The following MACROD2 variants were observed in gnomAD, a reference collection of about 807,000 sequenced individuals.
MACROD2 encodes mono-ADP ribosylhydrolase 2.
MACROD2 carries 36 observed loss-of-function variants against 70.4 expected under a neutral mutation model. The ratio of observed to expected loss-of-function variants is 0.51; its 90% CI spans 0.39 to 0.68. The LOEUF (loss-of-function observed/expected upper bound fraction) is 0.68, where lower values mean the gene tolerates loss of function less well. Among genes scored for constraint, MACROD2 ranks in the 30% least tolerant of loss-of-function variants. The pLI is 0.00. For synonymous variants in MACROD2, 172 were observed against 178.8 expected (o/e 0.96, Z 0.30); for missense variants, 496 against 538.4 (o/e 0.92, Z 0.78).
intron 4 of MACROD2, among the ~76,000 whole-genome samples, chr20:14,568,283 A>T (rs1979940172): frequency 6.6e-6 from 1 of 152,078 alleles, no homozygotes; most frequent in African/African-American, 2.4e-5. Flanking sequence ...ATTTGATATG[A>T]TCTGACACTG....
At chr20:14,832,365 G>T (rs995479081) in intron 5 of MACROD2, among the ~76,000 whole-genome samples, 2 of 151,930 alleles carry the variant, frequency 1.3e-5, no homozygotes, top group Non-Finnish European at 2.9e-5. Context: ...GCAAGTAAGG[G>T]GGGTTGAAGA....
At chr20:15,710,194 C>CAAAAAAAAAAAAAAAA (rs67656339) in intron 8 of MACROD2, among the ~76,000 whole-genome samples, 1 of 102,648 alleles carries the variant, frequency 9.7e-6, no homozygotes. Flanking sequence ...ATCAAAAAGA[C>CAAAAAAAAAAAAAAAA]AAAAAAAAAA....
intron 4 of MACROD2, among the ~76,000 whole-genome samples, chr20:14,590,080 T>C (rs145988455): frequency 0.015 from 2,256 of 152,274 alleles, 61 homozygotes; most frequent in African/African-American, 0.052. Context: ...GAATTATATT[T>C]TTAATATTTA....
intron 5 of MACROD2, among the ~76,000 whole-genome samples, chr20:15,214,845 G>A (rs541325961): frequency 1.8e-4 from 27 of 152,216 alleles, no homozygotes; most frequent in African/African-American, 3.6e-4. Flanking sequence ...CATGTGCTGC[G>A]GCTTCAAAAC....
chr20:15,808,693 A>T (rs953252322), intron 8 of MACROD2, among the ~76,000 whole-genome samples: 1 of 152,200 alleles, frequency 6.6e-6, no homozygotes, highest in Admixed American at 6.5e-5. Context: ...ACATAATAAG[A>T]AATAAAGGAT....
intron 6 of MACROD2, among the ~76,000 whole-genome samples, chr20:15,240,123 C>T (rs925611251): frequency 2.0e-5 from 3 of 152,158 alleles, no homozygotes; most frequent in Middle Eastern, 3.2e-3. Context: ...ACATTGCTGT[C>T]ACTCTAGAGG....
At chr20:14,103,401 C>T (rs564664110) in intron 3 of MACROD2, among the ~76,000 whole-genome samples, 4 of 152,240 alleles carry the variant, frequency 2.6e-5, no homozygotes, top group East Asian at 1.9e-4. Flanking sequence ...TTTTAGAGAT[C>T]GTCTTCTCTC....
At chr20:15,180,018 T>A (rs1004405315) in intron 5 of MACROD2, among the ~76,000 whole-genome samples, 1 of 152,206 alleles carries the variant, frequency 6.6e-6, no homozygotes, top group Non-Finnish European at 1.5e-5. Context: ...TTACTCTTCA[T>A]ATGGTCCTCC....
At chr20:14,666,313 T>C (rs1172713653) in intron 4 of MACROD2, among the ~76,000 whole-genome samples, 1 of 152,200 alleles carries the variant, frequency 6.6e-6, no homozygotes, top group Non-Finnish European at 1.5e-5. Context: ...AAAATACTCT[T>C]GTATACAAAT....
At chr20:14,162,446 T>C (rs2055204035) in intron 3 of MACROD2, among the ~76,000 whole-genome samples, 1 of 152,162 alleles carries the variant, frequency 6.6e-6, no homozygotes, top group Non-Finnish European at 1.5e-5. Context: ...TAGAGGCTAA[T>C]TCTGAGAGTG....
chr20:14,571,175 G>A (rs1187386748), intron 4 of MACROD2, among the ~76,000 whole-genome samples: 1 of 152,050 alleles, frequency 6.6e-6, no homozygotes, highest in Non-Finnish European at 1.5e-5. Context: ...TGGAGAAAAA[G>A]AATGTACTAG....
chr20:14,876,260 T>TG (rs58830573), intron 5 of MACROD2, among the ~76,000 whole-genome samples: 138,099 of 152,136 alleles, frequency 0.91, 62,860 homozygotes, highest in East Asian at 1. Context: ...TTTGGCTGCT[T>TG]TATGTCTTCT....
In MACROD2 at chr20:15,229,950, T is replaced by C; in HGVS notation, c.429T>C (p.His143=). The C allele has an allele frequency of 6.2e-7, 1 of 1,612,632 alleles. No individual in the cohort carries two copies. The highest frequency in any genetic ancestry group is 8.5e-7 in the Non-Finnish European group (1 of 1,179,348). The change falls in exon 6 of 18, where the codon CAT becomes CAC. Residue 143 remains histidine (H), a synonymous_variant. Transcript: ENST00000684519. ...GYDLPAKYVI[H]TVGPIARGHI... ...CTTTTGTATTTACAGATGTCATCCA[T>C]ACTGTAGGGCCAATAGCCAGGGGCC...
intron 8 of MACROD2, among the ~76,000 whole-genome samples, chr20:15,639,227 A>T (rs1466621474): frequency 3.3e-5 from 5 of 152,226 alleles, no homozygotes; most frequent in Admixed American, 3.3e-4. Flanking sequence ...ATCAAATCTG[A>T]TAGGGATTTG....
chr20:14,075,674 C>T (rs2053908215), intron 2 of MACROD2, among the ~76,000 whole-genome samples: 1 of 152,156 alleles, frequency 6.6e-6, no homozygotes, highest in Non-Finnish European at 1.5e-5. Context: ...TTACCTCTTT[C>T]ATCATCCTTC....
chr20:14,487,890 T>C (rs1294408216), intron 3 of MACROD2, among the ~76,000 whole-genome samples: 2 of 152,208 alleles, frequency 1.3e-5, no homozygotes, highest in Non-Finnish European at 2.9e-5. Context: ...GTAATAAACC[T>C]TTTTAAAAAT....
chr20:14,307,838 T>C (rs1306803870), intron 3 of MACROD2, among the ~76,000 whole-genome samples: 1 of 152,174 alleles, frequency 6.6e-6, no homozygotes, highest in African/African-American at 2.4e-5. Flanking sequence ...GCATTTGAAT[T>C]ATAATCTCAG....
At chr20:15,368,461 CT>C (rs11479469) in intron 6 of MACROD2, among the ~76,000 whole-genome samples, 2,713 of 136,732 alleles carry the variant, frequency 0.02, 43 homozygotes, top group African/African-American at 0.057. Flanking sequence ...CAATCACAAA[CT>C]TTTTTTTTTT....
chr20:15,754,114 A>G (rs6043515), intron 8 of MACROD2, among the ~76,000 whole-genome samples: 15,454 of 152,216 alleles, frequency 0.1, 2,628 homozygotes, highest in African/African-American at 0.35. Flanking sequence ...AAATTACTGC[A>G]TCTATCTTAG....
Sources: gnomAD v4.1 joint callset for allele counts (sites outside exome capture counted in the v4.1 genomes callset) on GRCh38, gnomAD v4.1.1 for gene constraint, MANE v1.5 for transcripts, NCBI Gene and HGNC (gene_info 2026-07-23, HGNC 2026-07-21) for gene names.